The following TJP1 variants were observed in gnomAD, a reference collection of about 807,000 sequenced individuals.
TJP1 encodes the protein tight junction protein ZO-1.
In TJP1, 43 loss-of-function variants were observed where a neutral mutation model predicts 194.2. That is an observed-to-expected ratio of 0.22 (90% CI 0.17 to 0.29). The LOEUF (loss-of-function observed/expected upper bound fraction) is 0.29. Among genes scored for constraint, TJP1 ranks in the 10% least tolerant of loss-of-function variants. The pLI is 1.00. For synonymous variants in TJP1, 801 were observed against 779.0 expected (o/e 1.03, Z -0.47); for missense variants, 1,971 against 2,185.7 (o/e 0.90, Z 1.96).
At chr15:29,731,079 C>CTTT (rs202239834) in intron 15 of TJP1, 10 of 596,316 alleles carry the variant, frequency 1.7e-5, no homozygotes, top group Middle Eastern at 4.7e-4. Flanking sequence ...TTTTGTTTTA[C>CTTT]TTTTTTTTTT....
intron 2 of TJP1, among the ~76,000 whole-genome samples, chr15:29,955,017 T>C (rs760467113): frequency 2.6e-5 from 4 of 151,862 alleles, no homozygotes; most frequent in Non-Finnish European, 5.9e-5. Context: ...GAAGCAGAGG[T>C]TGCAGTGAGC....
chr15:29,901,250 C>A (rs2053626556), intron 2 of TJP1, among the ~76,000 whole-genome samples: 1 of 152,176 alleles, frequency 6.6e-6, no homozygotes, highest in African/African-American at 2.4e-5. Flanking sequence ...GCACGACATC[C>A]TGAAGATCGC....
chr15:29,944,966 T>C lies in TJP1; in HGVS notation c.306+11266A>G, dbSNP rs188233507. ...ACTGTATGAGGTTTGACTATGCCAC[T>C]TAACCCAGTGTCTGTCTTGTTTTAT... is the stretch of plus-strand genomic sequence containing the variant. On this transcript the variant is annotated intron_variant, in intron 2 of 28. Transcript: ENST00000356107. 3.9e-4 allele frequency among the ~76,000 whole-genome samples: 60 copies of C among 152,380 alleles called. 1 individual carries two copies. The highest frequency in any genetic ancestry group is 1.3e-3 in the African/African-American group (55 of 41,590).
chr15:29,700,524 A>G lies in TJP1; in HGVS notation c.*1071T>C, dbSNP rs2041475210. 2 of 398,742 alleles carry G rather than the reference A, an allele frequency of 5.0e-6. No homozygotes were observed. The highest frequency in any genetic ancestry group is 2.1e-5 in the African/African-American group (1 of 48,642). 24.7% of individuals were successfully genotyped at this position (398,742 alleles called of 1,614,324 possible). The stretch of plus-strand genomic sequence containing the variant: ...TGCAGAGGTCAAAGTTCAAGGCTCA[A>G]GAGGTACAGGAGAGAATACAAAGGT... On this transcript the variant is annotated 3_prime_UTR_variant, in exon 28 of 28. Transcript: ENST00000614355.
chr15:29,767,348 T>A (rs562526837), intron 4 of TJP1, among the ~76,000 whole-genome samples: 19 of 152,212 alleles, frequency 1.2e-4, no homozygotes, highest in Admixed American at 1.1e-3. Flanking sequence ...TCCTTGTGTA[T>A]CACTCCTTGT....
chr15:29,863,019 G>A (rs994981298), intron 2 of TJP1, among the ~76,000 whole-genome samples: 1 of 151,606 alleles, frequency 6.6e-6, no homozygotes, highest in Non-Finnish European at 1.5e-5. Flanking sequence ...GCTTGTCTGG[G>A]CACGGTGGCT....
At chr15:29,955,634 C>T (rs2055904776) in intron 2 of TJP1, among the ~76,000 whole-genome samples, 1 of 151,334 alleles carries the variant, frequency 6.6e-6, no homozygotes. Flanking sequence ...GCCTATAGTC[C>T]CAACTACTTG....
In TJP1 at chr15:29,708,919, G is replaced by A. The variant is rs1269133137; in HGVS notation, c.4490C>T (p.Ala1497Val). 1.9e-6 allele frequency: 3 copies of A among 1,614,166 alleles called. 1 individual carries two copies. Among genetic ancestry groups the A allele is most frequent in the Non-Finnish European group, 2.5e-6 (3 of 1,180,036 alleles). ...PPNREDTAQAAFYPQKSFPDK... is the reference protein window; with the variant it reads ...PPNREDTAQAVFYPQKSFPDK... ...TGGAAAACTTTTCTGGGGATAGAAAGCTGCCTGAGCAGTATCTTCTCGGTT... is the reference window on the plus strand; with the variant it reads ...TGGAAAACTTTTCTGGGGATAGAAAACTGCCTGAGCAGTATCTTCTCGGTT... Residue 1497 changes from alanine (A) to valine (V), a missense_variant, in exon 25 of 28, where the codon GCT (alanine) becomes GTT (valine). Around this residue, in one of 5 missense-constraint regions of TJP1, gnomAD observed 1,108 missense variants for 1,128.5 expected, o/e 0.98. Transcript: ENST00000614355.
chr15:29,721,865 C>T (rs769361091), intron 18 of TJP1, among the ~76,000 whole-genome samples: 1 of 152,228 alleles, frequency 6.6e-6, no homozygotes, highest in African/African-American at 2.4e-5. Context: ...AGCAAAGACA[C>T]TGGTGGCACT....
intron 2 of TJP1, among the ~76,000 whole-genome samples, chr15:29,921,176 A>G (rs1180645117): frequency 6.6e-6 from 1 of 152,144 alleles, no homozygotes; most frequent in Non-Finnish European, 1.5e-5. Context: ...TGAATGATTA[A>G]TTCAACAACC....
intron 2 of TJP1, among the ~76,000 whole-genome samples, chr15:29,949,486 C>T (rs1347166173): frequency 6.8e-6 from 1 of 146,190 alleles, no homozygotes; most frequent in African/African-American, 2.5e-5. Flanking sequence ...CCACAACCAC[C>T]ACCTCCACCT....
intron 2 of TJP1, among the ~76,000 whole-genome samples, chr15:29,868,424 T>C (rs918720800): frequency 6.6e-6 from 1 of 152,184 alleles, no homozygotes; most frequent in Non-Finnish European, 1.5e-5. Context: ...TGAGCTCTAA[T>C]ACTGGTCCAC....
At chr15:29,701,976 C>T (rs2041576438) in intron 27 of TJP1, among the ~76,000 whole-genome samples, 1 of 152,080 alleles carries the variant, frequency 6.6e-6, no homozygotes. Context: ...CAGACTTCTC[C>T]TTTATTACAT....
chr15:29,866,922 C>G (rs2052325056), intron 2 of TJP1, among the ~76,000 whole-genome samples: 1 of 152,148 alleles, frequency 6.6e-6, no homozygotes, highest in South Asian at 2.1e-4. Context: ...CCCACAAGAG[C>G]CACCGTCACC....
intron 1 of TJP1, among the ~76,000 whole-genome samples, chr15:29,816,936 C>T (rs889269025): frequency 3.3e-5 from 5 of 152,130 alleles, no homozygotes; most frequent in Non-Finnish European, 7.4e-5. Flanking sequence ...AAAGCAATTG[C>T]AACAAAAGCT....
At chr15:29,731,439 T>C (rs2043652550) in intron 15 of TJP1, among the ~76,000 whole-genome samples, 1 of 152,204 alleles carries the variant, frequency 6.6e-6, no homozygotes, top group Non-Finnish European at 1.5e-5. Context: ...ATCTGGACTT[T>C]CCAGTGATGC....
At chr15:29,722,751 C>T (rs2043010411) in intron 18 of TJP1, among the ~76,000 whole-genome samples, 1 of 152,200 alleles carries the variant, frequency 6.6e-6, no homozygotes, top group Non-Finnish European at 1.5e-5. Context: ...GCACACAATG[C>T]CAGTCCATGA....
At chr15:29,813,372 CAT>C (rs2049668035) in intron 1 of TJP1, among the ~76,000 whole-genome samples, 1 of 152,104 alleles carries the variant, frequency 6.6e-6, no homozygotes, top group East Asian at 1.9e-4. Context: ...CTCAGACAGA[CAT>C]ATACAATATT....
intron 2 of TJP1, among the ~76,000 whole-genome samples, chr15:29,856,602 A>C (rs1362378979): frequency 2.0e-5 from 3 of 152,220 alleles, no homozygotes; most frequent in Non-Finnish European, 2.9e-5. Flanking sequence ...GTCATGAAAG[A>C]ACAGTTGGAC....
Sources: allele counts gnomAD v4.1 joint callset (sites outside exome capture counted in the v4.1 genomes callset), GRCh38; gene constraint gnomAD v4.1.1; regional missense constraint gnomAD v4.1.1; transcripts MANE v1.5; gene names NCBI Gene and HGNC (gene_info 2026-07-23, HGNC 2026-07-21).